The following KCNA2 variants were observed in gnomAD, a reference collection of about 807,000 sequenced individuals.
The protein encoded by KCNA2 is potassium channel, voltage gated shaker related subfamily A, member 2.
A neutral mutation model predicts 33.4 loss-of-function variants in KCNA2; 11 were observed. That is an observed-to-expected ratio of 0.33 (90% CI 0.21 to 0.55). The LOEUF is 0.55. Among genes scored for constraint, KCNA2 ranks in the 20% least tolerant of loss-of-function variants. The probability of loss-of-function intolerance (pLI) is 0.93; values close to 1 mark genes in which losing one functional copy is unlikely to be tolerated. For missense variants in KCNA2, 291 were observed against 621.6 expected (o/e 0.47, Z 5.66); for synonymous variants, 222 against 231.3 (o/e 0.96, Z 0.37).
At position 110,595,123 on chromosome 1, in the gene KCNA2, G is replaced by A. The variant is rs1025116592; in HGVS notation, c.*8160C>T. 2.9e-5 allele frequency: 29 copies of A among 985,108 alleles called. No homozygotes were observed. Among genetic ancestry groups the A allele is most frequent in the Admixed American group, 6.2e-5 (1 of 16,250 alleles). The allele number at this position is 985,108 out of a possible 1,614,324, so 61.0% of individuals were successfully genotyped here. A position where few individuals can be genotyped will look rare whatever the true frequency, so the allele number is the denominator to read the frequency against. On this transcript the variant is annotated 3_prime_UTR_variant, in exon 3 of 3. Coordinates refer to ENST00000316361, the MANE Select transcript of KCNA2 (RefSeq NM_004974.4). Reference sequence around the variant, plus strand: ...TGAGTCCTCTGGATAGCTACCAAGGGTCCTAGCACACAGCCACATCTACAC... The same window carrying A: ...TGAGTCCTCTGGATAGCTACCAAGGATCCTAGCACACAGCCACATCTACAC...
chr1:110,620,047 C>CGAGAGAGAGA (rs1171890486), intron 1 of KCNA2, among the ~76,000 whole-genome samples: 1 of 68,894 alleles, frequency 1.5e-5, no homozygotes, highest in African/African-American at 6.7e-5. Flanking sequence ...AGAGAGAGAG[C>CGAGAGAGAGA]GAGAGCGAGA....
chr1:110,630,930 TC>T (rs1650539594), intron 1 of KCNA2, among the ~76,000 whole-genome samples: 1 of 152,156 alleles, frequency 6.6e-6, no homozygotes, highest in East Asian at 1.9e-4. Flanking sequence ...GGTCTTCCTT[TC>T]CACCACCACC....
chr1:110,631,036 T>C (rs1650544523), intron 1 of KCNA2, among the ~76,000 whole-genome samples: 1 of 152,176 alleles, frequency 6.6e-6, no homozygotes, highest in Non-Finnish European at 1.5e-5. Context: ...GTTTGGGAGT[T>C]ACACTTAATG....
Position 110,596,358 on chromosome 1 carries a change from T to C in KCNA2, c.*6925A>G, listed in dbSNP as rs985486056. Reference sequence around the variant, plus strand: ...TACTATATATATATATATACACACATAAATATATGTATATATGGAAAACCT... The same window carrying C: ...TACTATATATATATATATACACACACAAATATATGTATATATGGAAAACCT... On this transcript the variant is annotated 3_prime_UTR_variant, in exon 3 of 3. Coordinates refer to ENST00000316361, the MANE Select transcript of KCNA2 (RefSeq NM_004974.4). The C allele has an allele frequency of 4.3e-5, 15 of 349,666 alleles. No homozygotes were observed. Among genetic ancestry groups the C allele is most frequent in the Non-Finnish European group, 6.0e-5 (15 of 250,428 alleles). The allele number at this position is 349,666 out of a possible 1,614,324, so 21.7% of individuals were successfully genotyped here. A position where few individuals can be genotyped will look rare whatever the true frequency, so the allele number is the denominator to read the frequency against.
intron 1 of KCNA2, among the ~76,000 whole-genome samples, chr1:110,620,203 CTCTCT>C (rs764426452): frequency 2.6e-5 from 4 of 152,302 alleles, no homozygotes; most frequent in Non-Finnish European, 5.9e-5. Flanking sequence ...CTTTCAGACC[CTCTCT>C]TCTCCTTTCC....
At chr1:110,611,878 C>A (rs1051812495) in intron 1 of KCNA2, among the ~76,000 whole-genome samples, 1 of 151,886 alleles carries the variant, frequency 6.6e-6, no homozygotes, top group Non-Finnish European at 1.5e-5. Flanking sequence ...CAAAAATTAG[C>A]CAGCACGGTG....
Position 110,624,803 on chromosome 1 carries a change from C to T in KCNA2, c.-496+6592G>A, listed in dbSNP as rs947972448. Among the ~76,000 whole-genome samples, 13 of 152,048 alleles carry T rather than the reference C, an allele frequency of 8.5e-5. 1 individual carries two copies. In the East Asian group the frequency reaches 2.3e-3, roughly 27 times the overall value. On this transcript the variant is annotated intron_variant, in intron 1 of 4. Transcript: ENST00000369770. ...ATCATGAAAAATATAATAACTTAAA[C>T]AAGAGTGAATTCAGGACTATTTTGT...
chr1:110,627,078 C>A (rs566660176), intron 1 of KCNA2, among the ~76,000 whole-genome samples: 2 of 152,320 alleles, frequency 1.3e-5, no homozygotes, highest in South Asian at 4.1e-4. Context: ...CTGTTTCACA[C>A]ACACAGGAAA....
intron 1 of KCNA2, among the ~76,000 whole-genome samples, chr1:110,621,745 G>A (rs548430867): frequency 1.3e-5 from 2 of 152,248 alleles, no homozygotes; most frequent in Admixed American, 1.3e-4. Context: ...TGGTTGAAAT[G>A]GAGAAATTCC....
rs6704365 is a variant in KCNA2 at position 110,594,295 on chromosome 1, A to C, written c.*8988T>G. 98,894 of 839,920 alleles carry C rather than the reference A, an allele frequency of 0.12. 4,120 individuals carry two copies. The highest frequency in any genetic ancestry group is 0.27 in the African/African-American group (13,311 of 48,772). The allele number at this position is 839,920 out of a possible 1,614,324, so 52.0% of individuals were successfully genotyped here. On this transcript the variant is annotated 3_prime_UTR_variant, in exon 3 of 3. Transcript: ENST00000316361. ...CCATTTCCTCTCTCTCTCTCTCTCT[A>C]TATATATATATACATATATATATAT...
At chr1:110,615,738 C>T (rs187207004) in intron 1 of KCNA2, among the ~76,000 whole-genome samples, 221 of 152,248 alleles carry the variant, frequency 1.5e-3, no homozygotes, top group Non-Finnish European at 2.7e-3. Flanking sequence ...GCAGAACCAA[C>T]GTGTATCTAG....
chr1:110,615,793 C>A (rs968912891), intron 1 of KCNA2, among the ~76,000 whole-genome samples: 8 of 152,102 alleles, frequency 5.3e-5, no homozygotes, highest in Admixed American at 3.9e-4. Flanking sequence ...GAGCCTGGGG[C>A]ACAAACGACA....
chr1:110,609,737 C>A (rs1022561628), upstream of KCNA2, among the ~76,000 whole-genome samples: 1 of 152,084 alleles, frequency 6.6e-6, no homozygotes, highest in Non-Finnish European at 1.5e-5. Context: ...AAAAAAAGAA[C>A]CATCATAACA....
chr1:110,622,791 T>A (rs1650293565), intron 1 of KCNA2, among the ~76,000 whole-genome samples: 1 of 152,196 alleles, frequency 6.6e-6, no homozygotes, highest in Non-Finnish European at 1.5e-5. Context: ...GTGAAAGACC[T>A]ATACACTGAA....
chr1:110,609,332 A>G (rs1367137368), upstream of KCNA2, among the ~76,000 whole-genome samples: 1 of 152,258 alleles, frequency 6.6e-6, no homozygotes. Flanking sequence ...AATTGGTGAC[A>G]TGGGCTTACC....
rs1649401884 is a variant in KCNA2 at position 110,602,416 on chromosome 1, T to C, written c.*867A>G. The stretch of plus-strand genomic sequence containing the variant: ...TGCAACAAACACCCATGCAGCTCTA[T>C]TGCATCACTGGTAAATTTCACTGCA... On this transcript the variant is annotated 3_prime_UTR_variant, in exon 3 of 3. Transcript: ENST00000316361. 5.2e-6 allele frequency: 7 copies of C among 1,343,290 alleles called. No individual in the cohort carries two copies. The highest frequency in any genetic ancestry group is 3.8e-6 in the Non-Finnish European group (4 of 1,048,952). The allele number at this position is 1,343,290 out of a possible 1,614,324, so 83.2% of individuals were successfully genotyped here. A position where few individuals can be genotyped will look rare whatever the true frequency, so the allele number is the denominator to read the frequency against.
intron 1 of KCNA2, among the ~76,000 whole-genome samples, chr1:110,621,044 C>T (rs1415916523): frequency 6.6e-6 from 1 of 152,180 alleles, no homozygotes. Flanking sequence ...TTCTCTCAGG[C>T]TTCTTGAAAT....
In KCNA2 at chr1:110,601,681, TG is replaced by T; in HGVS notation, c.*1601del. The T allele has an allele frequency of 9.2e-7, 1 of 1,084,048 alleles. No homozygotes were observed. The highest frequency in any genetic ancestry group is 5.6e-5 in the East Asian group (1 of 17,940). 67.2% of individuals were successfully genotyped at this position (1,084,048 alleles called of 1,614,324 possible). A position where few individuals can be genotyped will look rare whatever the true frequency, so the allele number is the denominator to read the frequency against. ...GCAATGGCAGCAAACCCAGGCCCAG[TG>T]GGGTTACCAATGAGACAAATTAACC... On this transcript the variant is annotated 3_prime_UTR_variant, in exon 3 of 3. Coordinates refer to ENST00000316361, the MANE Select transcript of KCNA2 (RefSeq NM_004974.4).
At chr1:110,614,447 A>G (rs1215272053) in intron 1 of KCNA2, among the ~76,000 whole-genome samples, 3 of 152,126 alleles carry the variant, frequency 2.0e-5, no homozygotes, top group Non-Finnish European at 4.4e-5. Flanking sequence ...CCTGAAGGTT[A>G]CTCTAAGCCC....
Sources: gnomAD v4.1 joint callset for allele counts (sites outside exome capture counted in the v4.1 genomes callset) on GRCh38, gnomAD v4.1.1 for gene constraint, MANE v1.5 for transcripts, NCBI Gene and HGNC (gene_info 2026-07-23, HGNC 2026-07-21) for gene names.